Variants in PTK2 observed in about 807,000 individuals in gnomAD.
The protein encoded by PTK2 is protein tyrosine kinase 2.
In PTK2, 45 loss-of-function variants were observed where a neutral mutation model predicts 150.1. The observed-to-expected ratio is 0.30, with a 90% CI of 0.24 to 0.38. PTK2 has a LOEUF of 0.38. Ranked by LOEUF, PTK2 falls within the 10% of genes least tolerant of loss-of-function variation. PTK2 has a pLI of 1.00. For missense variants in PTK2, 919 were observed against 1,307.3 expected (o/e 0.70, Z 4.58); for synonymous variants, 432 against 449.2 (o/e 0.96, Z 0.48).
At chr8:140,994,252 G>C (rs1292589359) in intron 1 of PTK2, among the ~76,000 whole-genome samples, 1 of 152,124 alleles carries the variant, frequency 6.6e-6, no homozygotes, top group Non-Finnish European at 1.5e-5. Context: ...GTGCCACTAA[G>C]GCAAAAACAA....
chr8:140,891,873 A>C (rs1331102683), intron 2 of PTK2, among the ~76,000 whole-genome samples: 3 of 152,188 alleles, frequency 2.0e-5, no homozygotes, highest in Non-Finnish European at 2.9e-5. Context: ...GCAGAAGCAA[A>C]GGGAGCTTTG....
chr8:140,921,297 T>A (rs1485832282), intron 2 of PTK2: 1 of 212,814 alleles, frequency 4.7e-6, no homozygotes, highest in Non-Finnish European at 9.1e-6. Flanking sequence ...AACTTATTAA[T>A]ATGCTAATCT....
intron 2 of PTK2, among the ~76,000 whole-genome samples, chr8:140,920,218 T>C (rs2100166895): frequency 6.6e-6 from 1 of 152,178 alleles, no homozygotes; most frequent in South Asian, 2.1e-4. Flanking sequence ...TTACATAGCA[T>C]TTTTAACTTC....
At position 140,846,686 on chromosome 8, in the gene PTK2, A is replaced by C; in HGVS notation, c.451-8T>G. On this transcript the variant is annotated splice_polypyrimidine_tract_variant and splice_region_variant and intron_variant, in intron 5 of 31. Transcript: ENST00000522684. ...CATATAATCGCTCTTCACCTACAACAAAAGGAATGGGAAAAACAACACTGT... is the reference window on the plus strand; with the variant it reads ...CATATAATCGCTCTTCACCTACAACCAAAGGAATGGGAAAAACAACACTGT... 6.3e-7 allele frequency: 1 copy of C among 1,595,588 alleles called. No individual in the cohort carries two copies. The highest frequency in any genetic ancestry group is 8.5e-7 in the Non-Finnish European group (1 of 1,170,794).
intron 2 of PTK2, chr8:140,920,815 T>C (rs1364707801): frequency 1.5e-5 from 22 of 1,510,206 alleles, no homozygotes; most frequent in Non-Finnish European, 7.9e-6. Context: ...TATTTATACC[T>C]TTAGCCCAAC....
At chr8:140,978,389 C>G (rs2154609847) in intron 1 of PTK2, among the ~76,000 whole-genome samples, 1 of 152,296 alleles carries the variant, frequency 6.6e-6, no homozygotes, top group South Asian at 2.1e-4. Flanking sequence ...CCAGAATCTA[C>G]AATGAACTCA....
At chr8:140,735,379 T>A (rs1437300558) in exon 22 of PTK2, 2 of 1,613,994 alleles carry the variant, frequency 1.2e-6, no homozygotes, top group East Asian at 4.5e-5. Flanking sequence ...CATTTTCAAT[T>A]CGACCGATTA....
At chr8:140,697,660 CCTCTCAAAGTG>C (rs2100027573) in intron 26 of PTK2, among the ~76,000 whole-genome samples, 1 of 152,050 alleles carries the variant, frequency 6.6e-6, no homozygotes, top group African/African-American at 2.4e-5. Context: ...CTGACCTCTG[CCTCTCAAAGTG>C]CTGGGGTTAC....
At chr8:140,679,019 T>TTTG (rs2100015569) in intron 27 of PTK2, among the ~76,000 whole-genome samples, 1 of 100,872 alleles carries the variant, frequency 9.9e-6, no homozygotes, top group African/African-American at 6.0e-5. Context: ...TTTTTTTTTT[T>TTTG]TTTTTTTTTT....
rs563628853 is a variant in PTK2, at chr8:140,681,515, G to T, written c.2562+5117C>A. Among the ~76,000 whole-genome samples, 144 of 150,466 alleles carry T rather than the reference G, an allele frequency of 9.6e-4. 1 individual carries two copies. The highest frequency in any genetic ancestry group is 1.5e-3 in the Non-Finnish European group (102 of 67,460). On this transcript the variant is annotated intron_variant, in intron 27 of 31. Coordinates refer to ENST00000522684, the Ensembl canonical transcript of PTK2. ...GGCCGGGCGCGGTGGCTCACGCCTG[G>T]AATCCCAGCACTTTGGGAGGCGGAG...
At position 140,853,472 on chromosome 8, in the gene PTK2, A is replaced by G. The variant is rs151324626; in HGVS notation, c.451-6794T>C. 1.5e-3 allele frequency among the ~76,000 whole-genome samples: 220 copies of G among 151,404 alleles called. No individual in the cohort carries two copies. In the Middle Eastern group the frequency reaches 0.037, roughly 26 times the overall value. ...TTTCTGTCCTTGTGATAGTTTGCTG[A>G]GAATGATGGTTTCCAGCTTCATCCA... On this transcript the variant is annotated intron_variant, in intron 5 of 31. Transcript: ENST00000522684.
intron 14 of PTK2, among the ~76,000 whole-genome samples, chr8:140,776,954 A>G (rs1378870622): frequency 6.6e-6 from 1 of 152,242 alleles, no homozygotes; most frequent in Non-Finnish European, 1.5e-5. Flanking sequence ...AAGCAAAAGC[A>G]GGGCAATTTC....
intron 23 of PTK2, among the ~76,000 whole-genome samples, chr8:140,706,997 T>C (rs1386956939): frequency 6.6e-6 from 1 of 152,218 alleles, no homozygotes; most frequent in Non-Finnish European, 1.5e-5. Flanking sequence ...GCTGTATACC[T>C]ACGAAAGGGA....
chr8:140,888,508 C>T (rs1457937443), intron 3 of PTK2, among the ~76,000 whole-genome samples: 1 of 152,176 alleles, frequency 6.6e-6, no homozygotes, highest in Non-Finnish European at 1.5e-5. Context: ...TTTGTGGCCA[C>T]ATAGATTTGA....
chr8:140,788,953 A>G (rs780644204), intron 14 of PTK2, among the ~76,000 whole-genome samples: 8 of 152,158 alleles, frequency 5.3e-5, no homozygotes, highest in Non-Finnish European at 7.4e-5. Context: ...AAAAAGGCAT[A>G]TCTATTTTGA....
At chr8:140,934,147 C>A (rs1055359605) in intron 1 of PTK2, among the ~76,000 whole-genome samples, 1 of 152,166 alleles carries the variant, frequency 6.6e-6, no homozygotes, top group Non-Finnish European at 1.5e-5. Flanking sequence ...AATCATATAT[C>A]TAATAAATCA....
intron 26 of PTK2, among the ~76,000 whole-genome samples, chr8:140,696,735 A>C (rs2100026794): frequency 6.6e-6 from 1 of 152,218 alleles, no homozygotes; most frequent in Admixed American, 6.5e-5. Flanking sequence ...AAAGAAAAAA[A>C]TAAACTCATA....
At chr8:140,734,946 T>C (rs1279802741) in intron 22 of PTK2, 1 of 443,144 alleles carries the variant, frequency 2.3e-6, no homozygotes, top group Non-Finnish European at 4.2e-6. Context: ...TTGTGTTAGA[T>C]GAGATTAGTG....
intron 29 of PTK2, among the ~76,000 whole-genome samples, chr8:140,670,588 T>C (rs1202644659): frequency 6.6e-6 from 1 of 150,686 alleles, no homozygotes; most frequent in Non-Finnish European, 1.5e-5. Flanking sequence ...CAGAAACCCC[T>C]TTTTTGAGCT....
Sources: allele counts gnomAD v4.1 joint callset (sites outside exome capture counted in the v4.1 genomes callset), GRCh38; gene constraint gnomAD v4.1.1; transcripts MANE v1.5; gene names NCBI Gene and HGNC (gene_info 2026-07-23, HGNC 2026-07-21).